CMYA5: variants seen among roughly 807,000 people sequenced by gnomAD.
The protein encoded by CMYA5 is cardiomyopathy associated 5.
Under a neutral mutation model 318.9 loss-of-function variants are expected in CMYA5, and 246 were observed. The ratio of observed to expected loss-of-function variants is 0.77; its 90% CI spans 0.70 to 0.86. The LOEUF (loss-of-function observed/expected upper bound fraction) is 0.86. Ranked by LOEUF, CMYA5 falls within the 40% of genes least tolerant of loss-of-function variation. The pLI, the probability that CMYA5 is intolerant of heterozygous loss-of-function variation, is 0.00. For missense variants in CMYA5, 4,589 were observed against 4,678.2 expected, an observed-to-expected ratio of 0.98 and a Z score of 0.56; for synonymous variants, 1,641 against 1,729.5, an observed-to-expected ratio of 0.95 and a Z score of 1.27.
intron 1 of CMYA5, among the ~76,000 whole-genome samples, chr5:79,710,788 G>C (rs1349114464): frequency 6.6e-6 from 1 of 152,146 alleles, no homozygotes; most frequent in Non-Finnish European, 1.5e-5. Flanking sequence ...ATTAACAAGG[G>C]TGGTCTGTAT....
intron 1 of CMYA5, among the ~76,000 whole-genome samples, chr5:79,724,524 T>G (rs1226879173): frequency 6.6e-6 from 1 of 152,204 alleles, no homozygotes; most frequent in Non-Finnish European, 1.5e-5. Context: ...GCTGAAAGTG[T>G]GGAGGAAGTG....
At chr5:79,768,670 G>C (rs1023275302) in intron 9 of CMYA5, among the ~76,000 whole-genome samples, 3 of 152,206 alleles carry the variant, frequency 2.0e-5, no homozygotes, top group African/African-American at 7.2e-5. Context: ...TCCGTTGTTA[G>C]TCTGATGGGC....
At chr5:79,795,356 C>T (rs2151101694) in intron 12 of CMYA5, among the ~76,000 whole-genome samples, 1 of 152,276 alleles carries the variant, frequency 6.6e-6, no homozygotes, top group South Asian at 2.1e-4. Context: ...TTTAAATCAA[C>T]CTACATCACT....
chr5:79,714,744 A>G (rs770876357), intron 1 of CMYA5, among the ~76,000 whole-genome samples: 13 of 152,064 alleles, frequency 8.5e-5, no homozygotes, highest in Non-Finnish European at 1.8e-4. Context: ...GCAGCCTCAC[A>G]TGGGACGCCT....
chr5:79,729,964 T>A lies in CMYA5; in HGVS notation c.1199T>A (p.Leu400His). ...AGAACAACAAAGGAAGAATGTGAGCTTGCTTCACCAGGAACTGCAGCTTCA... is the reference window on the plus strand; with the variant it reads ...AGAACAACAAAGGAAGAATGTGAGCATGCTTCACCAGGAACTGCAGCTTCA... ...FLRTTKEECE[L>H]ASPGTAASEN... The change falls in exon 2 of 13, where the codon CTT becomes CAT. Residue 400 changes from leucine to histidine, a missense_variant. By Grantham distance (99) the Leu-to-His change is moderately conservative (BLOSUM62 -3). Coordinates refer to ENST00000446378, the MANE Select transcript of CMYA5 (RefSeq NM_153610.5). 1 of 1,613,996 alleles carries A rather than the reference T, an allele frequency of 6.2e-7. No homozygotes were observed.
Position 79,788,968 on chromosome 5 carries a change from T to C in CMYA5, c.11556-3T>C. ...AAAATTATTATTTTCCTCTTGTATT[T>C]AGATCTTTCTCTGGAATCAAAGGAC... On this transcript the variant is annotated splice_region_variant and splice_polypyrimidine_tract_variant and intron_variant, in intron 9 of 12. Coordinates refer to ENST00000446378, the MANE Select transcript of CMYA5 (RefSeq NM_153610.5). The C allele has an allele frequency of 6.2e-7, 1 of 1,613,054 alleles. No individual in the cohort carries two copies. The highest frequency in any genetic ancestry group is 2.2e-5 in the East Asian group (1 of 44,858).
chr5:79,708,134 A>G (rs1827309404), intron 1 of CMYA5, among the ~76,000 whole-genome samples: 1 of 152,236 alleles, frequency 6.6e-6, no homozygotes, highest in African/African-American at 2.4e-5. Context: ...AGACCATAGC[A>G]CATAGCTAAT....
At chr5:79,771,766 G>A (rs1447826424) in intron 9 of CMYA5, among the ~76,000 whole-genome samples, 2 of 152,210 alleles carry the variant, frequency 1.3e-5, no homozygotes, top group East Asian at 3.8e-4. Flanking sequence ...GCCAAAGTAT[G>A]AAATGATGGA....
rs754367886 is a variant in CMYA5 at position 79,739,050 on chromosome 5, A to G, written c.10285A>G (p.Asn3429Asp). Reference sequence around the variant, plus strand: ...GTATGAATTTACAGAATCCCTGCATAATGAAGTGGTTCCTCAAGACATATT... The same window carrying G: ...GTATGAATTTACAGAATCCCTGCATGATGAAGTGGTTCCTCAAGACATATT... ...DEYEFTESLH[N>D]EVVPQDILSE... The change falls in exon 2 of 13, where the codon AAT (asparagine) becomes GAT (aspartate). Residue 3429 changes from asparagine to aspartate, a missense_variant. Transcript: ENST00000446378. The G allele has an allele frequency of 7.4e-6, 12 of 1,613,816 alleles. No homozygotes were observed. Among genetic ancestry groups the G allele is most frequent in the Non-Finnish European group, 1.0e-5 (12 of 1,179,870 alleles).
intron 1 of CMYA5, among the ~76,000 whole-genome samples, chr5:79,715,751 A>G (rs1827504320): frequency 6.6e-6 from 1 of 152,206 alleles, no homozygotes; most frequent in African/African-American, 2.4e-5. Context: ...TCCTTTAAGA[A>G]TACCAACTTT....
intron 5 of CMYA5, among the ~76,000 whole-genome samples, chr5:79,751,950 C>T (rs1472106177): frequency 6.6e-6 from 1 of 152,202 alleles, no homozygotes; most frequent in East Asian, 1.9e-4. Context: ...AGTGGGTCTG[C>T]TGGGAAAACC....
chr5:79,785,618 T>C (rs1829069860), intron 9 of CMYA5, among the ~76,000 whole-genome samples: 2 of 152,156 alleles, frequency 1.3e-5, no homozygotes, highest in South Asian at 4.1e-4. Flanking sequence ...TGTATCAGTT[T>C]TATATCTAGC....
At chr5:79,745,608 A>T (rs993385117) in intron 4 of CMYA5, among the ~76,000 whole-genome samples, 153 bp downstream of exon 4, 2 of 152,238 alleles carry the variant, frequency 1.3e-5, no homozygotes, top group African/African-American at 4.8e-5. Context: ...GGCATGCCTG[A>T]TGCCTATAGA....
rs748193211 is a variant in CMYA5, at chr5:79,731,750, G to A, written c.2985G>A (p.Ala995=). The change falls in exon 2 of 13, where the codon GCG becomes GCA. Residue 995 remains alanine (A), a synonymous_variant. Transcript: ENST00000446378. The part of the protein sequence containing the change: ...TILSDEDTEE[A]ELFSPDSASQ... Reference sequence around the variant, plus strand: ...TGTCAGATGAAGACACTGAAGAAGCGGAACTGTTCTCTCCAGACTCAGCAT... The same window carrying A: ...TGTCAGATGAAGACACTGAAGAAGCAGAACTGTTCTCTCCAGACTCAGCAT... 2.7e-5 allele frequency: 43 copies of A among 1,613,768 alleles called. No homozygotes were observed. Among genetic ancestry groups the A allele is most frequent in the East Asian group, 8.9e-5 (4 of 44,868 alleles).
intron 9 of CMYA5, 104 bp downstream of exon 9, chr5:79,763,313 T>A: frequency 9.5e-7 from 1 of 1,048,466 alleles, no homozygotes; most frequent in East Asian, 2.6e-5. Context: ...AAATGCCGTC[T>A]AAAATCCTGC....
chr5:79,745,145 T>C, intron 3 of CMYA5, 77 bp from the exon 4 acceptor site: 2 of 875,356 alleles, frequency 2.3e-6, no homozygotes, highest in South Asian at 3.5e-5. Flanking sequence ...TTTAAAAGGC[T>C]GGTGTTTCCA....
At chr5:79,700,202 A>G (rs1028686291) in intron 1 of CMYA5, among the ~76,000 whole-genome samples, 10 of 152,218 alleles carry the variant, frequency 6.6e-5, no homozygotes, top group African/African-American at 1.7e-4. Flanking sequence ...CTGAGTTTGC[A>G]TAGTTTAACA....
chr5:79,797,138 T>C (rs1472318713), intron 12 of CMYA5, among the ~76,000 whole-genome samples: 3 of 152,224 alleles, frequency 2.0e-5, no homozygotes, highest in Non-Finnish European at 4.4e-5. Context: ...CCCAACTCTT[T>C]GGTTTGCACT....
Position 79,734,812 on chromosome 5 carries a change from G to A in CMYA5, c.6047G>A (p.Ser2016Asn). ...AAGGAGATTCATTCTTTGATGGAGA[G>A]TGAAAGTTTGCTATTGGAGAAAGCA... Reference protein sequence around the residue: ...EGKEIHSLMESESLLLEKANT... With the variant: ...EGKEIHSLMENESLLLEKANT... Residue 2016 changes from serine to asparagine, a missense_variant, in exon 2 of 13, where the codon AGT (serine) becomes AAT (asparagine). Around this residue, in one of 3 missense-constraint regions of CMYA5, gnomAD observed 2,431 missense variants for 2,495.1 expected, o/e 0.97. Transcript: ENST00000446378. 6.2e-7 allele frequency: 1 copy of A among 1,613,766 alleles called. No homozygotes were observed. The highest frequency in any genetic ancestry group is 8.5e-7 in the Non-Finnish European group (1 of 1,179,794).
Sources: gnomAD v4.1 joint callset for allele counts (sites outside exome capture counted in the v4.1 genomes callset) on GRCh38, gnomAD v4.1.1 for gene constraint, gnomAD v4.1.1 regional missense constraint, MANE v1.5 for transcripts, NCBI Gene and HGNC (gene_info 2026-07-23, HGNC 2026-07-21) for gene names.